The following ATRX variants were observed in gnomAD, a reference collection of about 807,000 sequenced individuals.
ATRX encodes ATRX chromatin remodeler, also known as chromatin remodeler ATRX.
ATRX carries 12 observed loss-of-function variants against 172.6 expected under a neutral mutation model. The observed-to-expected ratio is 0.07, with a 90% confidence interval of 0.04 to 0.11. The LOEUF is 0.11. Among genes scored for constraint, ATRX ranks in the 10% least tolerant of loss-of-function variants. ATRX has a pLI of 1.00. For synonymous variants in ATRX, 674 were observed against 594.7 expected, an observed-to-expected ratio of 1.13 and a Z score of -1.94; for missense variants, 1,368 against 1,767.4, an observed-to-expected ratio of 0.77 and a Z score of 4.05.
chrX:77,756,716 TGAA>T (rs2075513182), intron 1 of ATRX, among the ~76,000 whole-genome samples: 1 of 109,979 alleles, frequency 9.1e-6, no homozygotes, highest in Non-Finnish European at 1.9e-5. Flanking sequence ...CAGTTGGAAA[TGAA>T]GAAATCCCCC....
intron 30 of ATRX, among the ~76,000 whole-genome samples, chrX:77,544,716 T>C (rs1336001743): frequency 1.0e-3 from 114 of 110,489 alleles, no homozygotes; most frequent in African/African-American, 3.5e-3. Flanking sequence ...TGATTTCCAA[T>C]TTCACCCATG....
intron 12 of ATRX, among the ~76,000 whole-genome samples, chrX:77,659,482 TACA>T (rs1239956820): frequency 1.1e-5 from 1 of 88,467 alleles, no homozygotes; most frequent in Admixed American, 1.3e-4. Flanking sequence ...TTTCTCTCTC[TACA>T]CACACACACA....
intron 26 of ATRX, among the ~76,000 whole-genome samples, chrX:77,591,165 G>C (rs2066233701): frequency 9.0e-6 from 1 of 111,725 alleles, no homozygotes; most frequent in African/African-American, 3.3e-5. Context: ...AGCTGTTTTA[G>C]GCATTACGGG....
At chrX:77,547,865 C>T (rs1159990575) in intron 30 of ATRX, among the ~76,000 whole-genome samples, 1 of 111,334 alleles carries the variant, frequency 9.0e-6, no homozygotes, top group African/African-American at 3.3e-5. Flanking sequence ...ATATATCAAG[C>T]TTAATTTTCT....
intron 2 of ATRX, among the ~76,000 whole-genome samples, chrX:77,716,199 G>GAGGTGAGA (rs1164760912): frequency 1.1e-5 from 1 of 87,760 alleles, no homozygotes; most frequent in Non-Finnish European, 2.1e-5. Flanking sequence ...CCGGGAGGGT[G>GAGGTGAGA]AGGTGAGAAG....
intron 21 of ATRX, among the ~76,000 whole-genome samples, chrX:77,617,554 T>C (rs1261688647): frequency 9.0e-6 from 1 of 110,886 alleles, no homozygotes; most frequent in Admixed American, 9.6e-5. Context: ...CATATAAACA[T>C]CCTCCCATAT....
chrX:77,724,429 A>G (rs553453362), intron 1 of ATRX, among the ~76,000 whole-genome samples: 53 of 108,311 alleles, frequency 4.9e-4, no homozygotes, highest in South Asian at 2.5e-3. Context: ...AGGGAGTCTC[A>G]CTATGTTGAC....
intron 30 of ATRX, among the ~76,000 whole-genome samples, chrX:77,549,142 T>C (rs983931762): frequency 9.0e-6 from 1 of 111,688 alleles, no homozygotes; most frequent in African/African-American, 3.3e-5. Flanking sequence ...CCCAGCACTT[T>C]AGGAGACCGA....
At chrX:77,620,361 A>G in intron 20 of ATRX, 34 bp downstream of exon 20, 1 of 1,193,893 alleles carries the variant, frequency 8.4e-7, no homozygotes, top group Non-Finnish European at 1.1e-6. Context: ...GGAAATACCA[A>G]TATTCTACTG....
rs45598438 is a variant in ATRX at position 77,571,514 on chromosome X, G to C, written c.6326+2736C>G. ...ACAGTCTTAATATGATAAAATAATA[G>C]AGATGGAGCATAAATTAGTCATTGT... is the stretch of plus-strand genomic sequence containing the variant. On this transcript the variant is annotated intron_variant, in intron 28 of 34. Coordinates refer to ENST00000373344, the MANE Select transcript of ATRX (RefSeq NM_000489.6). Among the ~76,000 whole-genome samples the C allele has an allele frequency of 1.8e-3, 198 of 111,739 alleles. 1 individual carries two copies. Among genetic ancestry groups the C allele is most frequent in the African/African-American group, 6.1e-3 (189 of 30,846 alleles).
chrX:77,633,489 A>T lies in ATRX; in HGVS notation c.4956+77T>A, dbSNP rs782562689. 196 of 1,092,633 alleles carry T rather than the reference A, an allele frequency of 1.8e-4. No homozygotes were observed. In the African/African-American group the frequency reaches 2.3e-3, roughly 13 times the overall value. The allele number at this position is 1,092,633 out of a possible 1,213,427, so 90.0% of individuals were successfully genotyped here. On this transcript the variant is annotated intron_variant, in intron 18 of 34. Coordinates refer to ENST00000373344, the MANE Select transcript of ATRX (RefSeq NM_000489.6). ...CACTGGTTAAAAAACATTAAAAATT[A>T]AAAAAAATTAAAAATAGTTTACTAT...
At chrX:77,710,959 C>CAT (rs2073084710) in intron 2 of ATRX, among the ~76,000 whole-genome samples, 1 of 110,253 alleles carries the variant, frequency 9.1e-6, no homozygotes, top group Admixed American at 9.7e-5. Context: ...CACACACACA[C>CAT]ACACAAAGTA....
chrX:77,664,803 A>G (rs2148499222), intron 10 of ATRX, 25 bp from the exon 11 acceptor site: 1 of 1,174,004 alleles, frequency 8.5e-7, no homozygotes, highest in Non-Finnish European at 1.2e-6. Flanking sequence ...ACAATAAAAA[A>G]AGAACTATAT....
intron 1 of ATRX, among the ~76,000 whole-genome samples, chrX:77,759,766 G>A (rs1205632461): frequency 9.1e-6 from 1 of 110,136 alleles, no homozygotes; most frequent in Non-Finnish European, 1.9e-5. Context: ...ATGAAAAGTG[G>A]GCAATATAGA....
At chrX:77,690,404 T>C (rs1557146487) in intron 6 of ATRX, among the ~76,000 whole-genome samples, 1 of 112,373 alleles carries the variant, frequency 8.9e-6, no homozygotes, top group East Asian at 2.8e-4. Flanking sequence ...AACACCATCA[T>C]ACTTTTTTAG....
At chrX:77,627,125 C>G (rs1445672970) in intron 19 of ATRX, among the ~76,000 whole-genome samples, 1 of 110,955 alleles carries the variant, frequency 9.0e-6, no homozygotes, top group Admixed American at 9.5e-5. Context: ...CCCAGCTACT[C>G]GGGAGGCTGA....
At chrX:77,560,067 A>C (rs1353049808) in intron 28 of ATRX, among the ~76,000 whole-genome samples, 1 of 111,774 alleles carries the variant, frequency 8.9e-6, no homozygotes, top group East Asian at 2.8e-4. Context: ...TAAGTAAGTA[A>C]GAATTGCCAA....
In ATRX at chrX:77,682,726, T is replaced by C. The variant is rs142601264; in HGVS notation, c.2530A>G (p.Thr844Ala). 12 of 1,208,099 alleles carry C rather than the reference T, an allele frequency of 9.9e-6. No homozygotes were observed. The African/African-American group carries it at 1.9e-4, about 19-fold the overall frequency. The change falls in exon 9 of 35, where the codon ACA becomes GCA. Residue 844 changes from threonine to alanine, a missense_variant. By Grantham distance (58) the Thr-to-Ala change is moderately conservative. Transcript: ENST00000373344. ...ARTTKKRIPNTKDFDSSEDEK... is the reference protein window; with the variant it reads ...ARTTKKRIPNAKDFDSSEDEK... ...TCTTCAGAAGAGTCAAAATCTTTTG[T>C]ATTTGGAATTCTTTTTTTGGTGGTT...
chrX:77,662,736 A>C lies in ATRX; in HGVS notation c.4120+646T>G, dbSNP rs45612740. 1.6e-4 allele frequency among the ~76,000 whole-genome samples: 18 copies of C among 111,107 alleles called. No homozygotes were observed. In the East Asian group the frequency reaches 5.1e-3, roughly 31 times the overall value. On this transcript the variant is annotated intron_variant, in intron 12 of 34. Transcript: ENST00000373344. Reference sequence around the variant, plus strand: ...GAGAAAGAGTCTCGCTCTGCCGCTCAAGTTGGACTGCAATGGCGCAATCTC... The same window carrying C: ...GAGAAAGAGTCTCGCTCTGCCGCTCCAGTTGGACTGCAATGGCGCAATCTC...
Sources: allele counts gnomAD v4.1 joint callset (sites outside exome capture counted in the v4.1 genomes callset), GRCh38; gene constraint gnomAD v4.1.1; transcripts MANE v1.5; gene names NCBI Gene and HGNC (gene_info 2026-07-23, HGNC 2026-07-21).